Variants in IL1RAPL2 observed in about 807,000 individuals in gnomAD.
IL1RAPL2 encodes interleukin 1 receptor accessory protein like 2, also known as X-linked interleukin-1 receptor accessory protein-like 2.
Under a neutral mutation model 44.1 loss-of-function variants are expected in IL1RAPL2, and 3 were observed. The observed-to-expected ratio is 0.07, with a 90% CI of 0.03 to 0.18. The LOEUF is 0.18. IL1RAPL2 is among the 10% of genes least tolerant of loss of function. IL1RAPL2 has a pLI of 1.00. For missense variants in IL1RAPL2, 391 were observed against 496.4 expected (o/e 0.79, Z 2.02); for synonymous variants, 181 against 178.8 (o/e 1.01, Z -0.10).
intron 5 of IL1RAPL2, among the ~76,000 whole-genome samples, chrX:105,393,687 C>A (rs2035542787): frequency 8.9e-6 from 1 of 111,738 alleles, no homozygotes; most frequent in South Asian, 3.7e-4. Context: ...TGTCATATTT[C>A]TCTTACTGTC....
chrX:105,191,966 C>T (rs1433758495), intron 2 of IL1RAPL2, among the ~76,000 whole-genome samples: 1 of 111,581 alleles, frequency 9.0e-6, no homozygotes, highest in Non-Finnish European at 1.9e-5. Context: ...AGGAGCCCTG[C>T]AAGGAGCTTG....
chrX:104,855,681 G>GTGTTTTTTTTTTTTTTTTTTTTT lies in IL1RAPL2; in HGVS notation c.82+196687_82+196688insGTTTTTTTTTTTTTTTTTTTTTT. Among the ~76,000 whole-genome samples the GTGTTTTTTTTTTTTTTTTTTTTT allele has an allele frequency of 1.8e-3, 95 of 53,847 alleles. 27 individuals carry two copies. Among genetic ancestry groups the GTGTTTTTTTTTTTTTTTTTTTTT allele is most frequent in the Non-Finnish European group, 3.1e-3 (77 of 24,615 alleles). 46.8% of individuals were successfully genotyped at this position (53,847 alleles called of 115,157 possible). A position where few individuals can be genotyped will look rare whatever the true frequency, so the allele number is the denominator to read the frequency against. On this transcript the variant is annotated intron_variant, in intron 2 of 10. Transcript: ENST00000372582. ...TTAACTGTGCTAAGGATCTGGATCC[G>GTGTTTTTTTTTTTTTTTTTTTTT]TTTTTTTTTTTTTTTTTACTGTATC...
At chrX:104,636,457 C>A (rs1167132796) in intron 1 of IL1RAPL2, among the ~76,000 whole-genome samples, 1 of 112,415 alleles carries the variant, frequency 8.9e-6, no homozygotes, top group Non-Finnish European at 1.9e-5. Context: ...TCTACAGATG[C>A]AGGCAGGTCT....
intron 2 of IL1RAPL2, among the ~76,000 whole-genome samples, chrX:104,723,345 G>C (rs953596361): frequency 2.1e-4 from 23 of 111,123 alleles, no homozygotes; most frequent in African/African-American, 7.5e-4. Context: ...AAATATTGCA[G>C]ATACATGTAA....
chrX:104,724,728 C>A (rs751446673), intron 2 of IL1RAPL2, among the ~76,000 whole-genome samples: 1 of 111,161 alleles, frequency 9.0e-6, no homozygotes, highest in South Asian at 3.8e-4. Flanking sequence ...TAATTGAGGC[C>A]ATTCTTGTTC....
In IL1RAPL2 at chrX:105,116,125, C is replaced by G. The variant is rs2032858687; in HGVS notation, c.83-79350C>G. On this transcript the variant is annotated intron_variant, in intron 2 of 10. Transcript: ENST00000372582. ...CCCTGCAAGTGGAGGGAAGCCGGCTCTGGCCTCCGCCATCCCAGGAAGGGG... is the reference window on the plus strand; with the variant it reads ...CCCTGCAAGTGGAGGGAAGCCGGCTGTGGCCTCCGCCATCCCAGGAAGGGG... Among the ~76,000 whole-genome samples the G allele has an allele frequency of 2.7e-5, 3 of 112,029 alleles. No individual in the cohort carries two copies. In the Admixed American group the frequency reaches 2.8e-4, roughly 10 times the overall value.
Position 105,754,667 on chromosome X carries a change from A to G in IL1RAPL2, c.1193-510A>G, listed in dbSNP as rs186775461. 2.1e-4 allele frequency among the ~76,000 whole-genome samples: 24 copies of G among 112,241 alleles called. No homozygotes were observed. In the East Asian group the frequency reaches 5.1e-3, roughly 24 times the overall value. ...TATATGAAGATGATGACACTAACCA[A>G]CTGGAACTATGGCATGTGCTGTGAA... On this transcript the variant is annotated intron_variant, in intron 9 of 10. Coordinates refer to ENST00000372582, the MANE Select transcript of IL1RAPL2 (RefSeq NM_017416.2).
intron 6 of IL1RAPL2, among the ~76,000 whole-genome samples, chrX:105,700,187 T>A: frequency 9.0e-6 from 1 of 111,459 alleles, no homozygotes; most frequent in Admixed American, 9.6e-5. Context: ...GAGTCACTTT[T>A]TCTGCATTAC....
intron 5 of IL1RAPL2, among the ~76,000 whole-genome samples, chrX:105,425,861 A>G (rs907931664): frequency 9.1e-6 from 1 of 110,223 alleles, no homozygotes; most frequent in Non-Finnish European, 1.9e-5. Flanking sequence ...ACACCAACAA[A>G]AAGAACATCA....
intron 4 of IL1RAPL2, among the ~76,000 whole-genome samples, chrX:105,246,826 A>C (rs1019038474): frequency 1.8e-5 from 2 of 111,534 alleles, no homozygotes; most frequent in African/African-American, 6.5e-5. Flanking sequence ...TAAATTTTAC[A>C]AATCTTTTTA....
intron 2 of IL1RAPL2, among the ~76,000 whole-genome samples, chrX:105,031,571 A>G (rs111821468): frequency 0.024 from 2,691 of 111,698 alleles, 69 homozygotes; most frequent in African/African-American, 0.084. Context: ...TGTTGAACCA[A>G]CCTTGCATCC....
intron 6 of IL1RAPL2, among the ~76,000 whole-genome samples, chrX:105,534,374 TA>T (rs1008150208): frequency 7.1e-5 from 8 of 112,007 alleles, no homozygotes; most frequent in Admixed American, 2.8e-4. Context: ...CTGTATATTT[TA>T]AAATAACTAA....
intron 6 of IL1RAPL2, among the ~76,000 whole-genome samples, chrX:105,678,370 G>A (rs886459314): frequency 2.7e-5 from 3 of 111,857 alleles, no homozygotes; most frequent in African/African-American, 9.7e-5. Context: ...TACTCATTTA[G>A]TTATTTTTAA....
chrX:105,176,353 C>A (rs939579908), intron 2 of IL1RAPL2, among the ~76,000 whole-genome samples: 1 of 111,201 alleles, frequency 9.0e-6, no homozygotes, highest in Non-Finnish European at 1.9e-5. Context: ...AAGTTATACT[C>A]AGGAAGTATG....
intron 1 of IL1RAPL2, among the ~76,000 whole-genome samples, chrX:104,600,199 C>T (rs1174750213): frequency 8.9e-6 from 1 of 111,778 alleles, no homozygotes; most frequent in Non-Finnish European, 1.9e-5. Flanking sequence ...CCAGTTTATG[C>T]TTTATGTTGA....
chrX:104,596,499 C>G (rs1487811561), intron 1 of IL1RAPL2, among the ~76,000 whole-genome samples: 2 of 111,713 alleles, frequency 1.8e-5, no homozygotes, highest in Non-Finnish European at 3.8e-5. Context: ...AATCCAGATG[C>G]TAGTCAACAG....
rs908752553 is a variant in IL1RAPL2, at chrX:105,324,512, G to A, written c.697+56971G>A. ...AGCATGCTATCTACATGTCTCACAA[G>A]TCACTTTCTGTTGTTTAGCATAGTT... On this transcript the variant is annotated intron_variant, in intron 5 of 10. Coordinates refer to ENST00000372582, the MANE Select transcript of IL1RAPL2 (RefSeq NM_017416.2). Among the ~76,000 whole-genome samples the A allele has an allele frequency of 6.5e-4, 71 of 109,777 alleles. 1 individual carries two copies. The highest frequency in any genetic ancestry group is 1.2e-3 in the Admixed American group (12 of 10,388).
chrX:105,729,864 G>GGAAGGAAA, intron 7 of IL1RAPL2, among the ~76,000 whole-genome samples: 1 of 80,323 alleles, frequency 1.2e-5, no homozygotes, highest in African/African-American at 5.0e-5. Context: ...AAGAGACGAA[G>GGAAGGAAA]GAAGGAAGGA....
At chrX:105,743,855 C>T (rs1040533243) in intron 8 of IL1RAPL2, among the ~76,000 whole-genome samples, 1 of 112,346 alleles carries the variant, frequency 8.9e-6, no homozygotes, top group Non-Finnish European at 1.9e-5. Context: ...GTGATTTTGT[C>T]ATGACTAATG....
Sources: allele counts gnomAD v4.1 joint callset (sites outside exome capture counted in the v4.1 genomes callset), GRCh38; gene constraint gnomAD v4.1.1; transcripts MANE v1.5; gene names NCBI Gene and HGNC (gene_info 2026-07-23, HGNC 2026-07-21).